The following ZNF324B variants were observed in gnomAD, a reference collection of about 807,000 sequenced individuals.
ZNF324B encodes the protein zinc finger protein 324B.
Under a neutral mutation model 10.6 loss-of-function variants are expected in ZNF324B, and 7 were observed. The ratio of observed to expected loss-of-function variants is 0.66; its 90% CI spans 0.38 to 1.24. The LOEUF (loss-of-function observed/expected upper bound fraction) is 1.24. Ranked by LOEUF, ZNF324B falls within the 50% of genes most tolerant of loss-of-function variation. The pLI is 0.02. For missense variants in ZNF324B, 640 were observed against 764.7 expected, an observed-to-expected ratio of 0.84 and a Z score of 1.92; for synonymous variants, 316 against 321.0, an observed-to-expected ratio of 0.98 and a Z score of 0.17.
Position 58,455,624 on chromosome 19 carries a change from C to T in ZNF324B, c.680C>T (p.Ala227Val), listed in dbSNP as rs759336407. 12 of 1,613,830 alleles carry T rather than the reference C, an allele frequency of 7.4e-6. No homozygotes were observed. Among genetic ancestry groups the T allele is most frequent in the Admixed American group, 6.7e-5 (4 of 59,996 alleles). Residue 227 changes from alanine to valine, a missense_variant, in exon 4 of 4, where the codon GCT becomes GTT. Physicochemically the swap from Ala to Val is moderately conservative, Grantham distance 64. Transcript: ENST00000336614. The surrounding 1 kb of genome is among the most constrained non-coding windows in gnomAD (Gnocchi z 7.0). ...SGGRDRRMGA[A>V]WQEPHRLLGG... ...GGCAGGGATCGCAGAATGGGCGCAG[C>T]TTGGCAGGAGCCTCATAGACTCCTC... is the stretch of plus-strand genomic sequence containing the variant.
the ZNF324B span, among the ~76,000 whole-genome samples, chr19:58,438,731 C>T: frequency 1.3e-5 from 2 of 151,696 alleles, no homozygotes. Context: ...CCTCGGCCTC[C>T]CAAAGTGCTG....
the ZNF324B span, among the ~76,000 whole-genome samples, chr19:58,428,017 G>T: frequency 6.6e-6 from 1 of 152,324 alleles, no homozygotes; most frequent in Admixed American, 6.5e-5. Flanking sequence ...CCTGAGTAGG[G>T]TAGGTATCCC....
In ZNF324B at chr19:58,454,195, TG is replaced by T. The variant is rs200834419; in HGVS notation, c.122-29del. On this transcript the variant is annotated intron_variant, in intron 2 of 3. Transcript: ENST00000336614. ...TGTTGGGAGGTGGGTTGTCTTGACC[TG>T]GGGCTGGGCTCTCACCTGCTCCTCC... The T allele has an allele frequency of 1.2e-3, 1,789 of 1,471,824 alleles. 22 individuals are homozygous for T. In the African/African-American group the frequency reaches 0.023, roughly 19 times the overall value. 91.2% of individuals were successfully genotyped at this position (1,471,824 alleles called of 1,614,324 possible). A position where few individuals can be genotyped will look rare whatever the true frequency, so the allele number is the denominator to read the frequency against.
At chr19:58,441,885 G>T in the ZNF324B span, 2 of 152,368 alleles carry the variant, frequency 1.3e-5, no homozygotes, top group Admixed American at 6.5e-5. Context: ...AGAATGTGGG[G>T]CTCCTTAGTG....
chr19:58,439,670 C>A, the ZNF324B span: 1 of 1,380,116 alleles, frequency 7.2e-7, no homozygotes, highest in Non-Finnish European at 9.6e-7. Context: ...ATCAAGAGTC[C>A]CAGGACACCA....
rs767852447 is a variant in ZNF324B, at chr19:58,451,667, G to A, written c.-44G>A. 5 of 507,732 alleles carry A rather than the reference G, an allele frequency of 9.8e-6. No individual in the cohort carries two copies. The highest frequency in any genetic ancestry group is 2.0e-5 in the Non-Finnish European group (5 of 255,374). 31.5% of individuals were successfully genotyped at this position (507,732 alleles called of 1,614,324 possible). A position where few individuals can be genotyped will look rare whatever the true frequency, so the allele number is the denominator to read the frequency against. Reference sequence around the variant, plus strand: ...AGGCCACACCGGTGGTCTGGGCTGTGGCGCGCGGGTCGGGGCCCGAGGCGG... The same window carrying A: ...AGGCCACACCGGTGGTCTGGGCTGTAGCGCGCGGGTCGGGGCCCGAGGCGG... On this transcript the variant is annotated 5_prime_UTR_variant, in exon 1 of 4. Transcript: ENST00000336614.
intron 1 of ZNF324B, 39 bp downstream of exon 1, chr19:58,451,743 G>T (rs776659361): frequency 4.6e-6 from 2 of 438,408 alleles, no homozygotes; most frequent in Non-Finnish European, 4.4e-6. Context: ...CCCAAGCCTC[G>T]GTATCTTCGA....
At chr19:58,445,128 C>CA in the ZNF324B span, 1 of 290,516 alleles carries the variant, frequency 3.4e-6, no homozygotes, top group Admixed American at 5.3e-5. Context: ...CTTTCATTAG[C>CA]AAAAACAAAT....
At chr19:58,427,743 A>T in the ZNF324B span, among the ~76,000 whole-genome samples, 1 of 150,970 alleles carries the variant, frequency 6.6e-6, no homozygotes, top group Non-Finnish European at 1.5e-5. Flanking sequence ...GCAGTCTTGA[A>T]CTCCTGGGAT....
chr19:58,423,575 G>C, the ZNF324B span, among the ~76,000 whole-genome samples: 1 of 152,158 alleles, frequency 6.6e-6, no homozygotes, highest in East Asian at 1.9e-4. Flanking sequence ...AAAGTTCTCA[G>C]AGCTTTGTAG....
At chr19:58,446,868 C>T (rs2052830275), upstream of ZNF324B, among the ~76,000 whole-genome samples, 1 of 152,032 alleles carries the variant, frequency 6.6e-6, no homozygotes. Flanking sequence ...AGCCACTGCA[C>T]CCGACCTCTC....
At chr19:58,444,470 A>AAAAT in the ZNF324B span, 3 of 152,244 alleles carry the variant, frequency 2.0e-5, no homozygotes, top group African/African-American at 4.8e-5. Context: ...TCCTATCTCT[A>AAAAT]AAATAAATAA....
At chr19:58,434,530 T>A in the ZNF324B span, 1 of 1,614,216 alleles carries the variant, frequency 6.2e-7, no homozygotes, top group South Asian at 1.1e-5. Flanking sequence ...CTTCCTCAGC[T>A]TAGATGAGTG....
rs552382712 is a variant in ZNF324B at position 58,453,905 on chromosome 19, G to A, written c.121+83G>A. ...CACTTCCCTCCTGGTTGATGAGCAG[G>A]ATCAAATCTGGCCAGGGCCACGTGG... On this transcript the variant is annotated intron_variant, in intron 2 of 3. Transcript: ENST00000336614. The A allele has an allele frequency of 3.3e-5, 51 of 1,550,334 alleles. No individual in the cohort carries two copies. In the South Asian group the frequency reaches 6.0e-4, roughly 18 times the overall value.
chr19:58,432,167 G>A, the ZNF324B span: 1 of 380,982 alleles, frequency 2.6e-6, no homozygotes, highest in East Asian at 7.3e-5. Context: ...ACCCTGGCCA[G>A]ACTGCAAAAA....
rs771951693 is a variant in ZNF324B at position 58,456,366 on chromosome 19, T to A, written c.1422T>A (p.Ile474=). The change falls in exon 4 of 4, where the codon ATT becomes ATA. Residue 474 remains isoleucine (I), a synonymous_variant. Transcript: ENST00000336614. The surrounding 1 kb of genome is among the most constrained non-coding windows in gnomAD (Gnocchi z 4.7). ...CCGTGCTGCTCAGCCACCGGCGCATTCACACGGGCGAGAAGCCCTTCGTGT... is the reference window on the plus strand; with the variant it reads ...CCGTGCTGCTCAGCCACCGGCGCATACACACGGGCGAGAAGCCCTTCGTGT... ...KGAVLLSHRR[I]HTGEKPFVCT... The A allele has an allele frequency of 6.2e-7, 1 of 1,612,258 alleles. No individual in the cohort carries two copies. Among genetic ancestry groups the A allele is most frequent in the Non-Finnish European group, 8.5e-7 (1 of 1,179,826 alleles).
At position 58,455,793 on chromosome 19, in the gene ZNF324B, G is replaced by T. The variant is rs2052912334; in HGVS notation, c.849G>T (p.Arg283=). ...LKHLRTHTGE[R]PYECTQCGKA... is the part of the protein sequence containing the mutation. ...ACCTACGCACCCACACCGGGGAGCG[G>T]CCCTACGAGTGCACCCAGTGCGGCA... is the stretch of plus-strand genomic sequence containing the variant. The change falls in exon 4 of 4, where the codon CGG becomes CGT. Residue 283 remains arginine, a synonymous_variant. Coordinates refer to ENST00000336614, the MANE Select transcript of ZNF324B (RefSeq NM_207395.3). This position sits in a 1 kb window ranked among gnomAD's most constrained non-coding sequence, Gnocchi z 7.0. 6.2e-6 allele frequency: 10 copies of T among 1,614,132 alleles called. No homozygotes were observed. The highest frequency in any genetic ancestry group is 8.5e-6 in the Non-Finnish European group (10 of 1,180,020).
At chr19:58,428,404 C>A in the ZNF324B span, among the ~76,000 whole-genome samples, 2 of 152,126 alleles carry the variant, frequency 1.3e-5, no homozygotes, top group Non-Finnish European at 2.9e-5. Flanking sequence ...CTTGGAAAAC[C>A]AGGAGATATG....
chr19:58,454,681 T>C (rs1196855172), intron 3 of ZNF324B: 3 of 562,184 alleles, frequency 5.3e-6, no homozygotes, highest in African/African-American at 1.9e-5. Context: ...CTTGTGGGCA[T>C]TGTAGACACA....
Sources: allele counts gnomAD v4.1 joint callset (sites outside exome capture counted in the v4.1 genomes callset), GRCh38; gene constraint gnomAD v4.1.1; non-coding constraint Gnocchi (gnomAD v3.1); transcripts MANE v1.5; gene names NCBI Gene and HGNC (gene_info 2026-07-23, HGNC 2026-07-21).